The following MIPOL1 variants were observed in gnomAD, a reference collection of about 807,000 sequenced individuals.
MIPOL1 encodes the protein mirror-image polydactyly gene 1 protein.
A neutral mutation model predicts 60.9 loss-of-function variants in MIPOL1; 57 were observed. The ratio of observed to expected loss-of-function variants is 0.94; its 90% CI spans 0.76 to 1.17. The LOEUF (loss-of-function observed/expected upper bound fraction) is 1.17. Among genes scored for constraint, MIPOL1 ranks in the 50% most tolerant of loss-of-function variants. The pLI is 0.00. For synonymous variants in MIPOL1, 179 were observed against 168.8 expected, an observed-to-expected ratio of 1.06 and a Z score of -0.47; for missense variants, 551 against 511.6, an observed-to-expected ratio of 1.08 and a Z score of -0.74.
intron 1 of MIPOL1, among the ~76,000 whole-genome samples, chr14:37,210,142 T>C (rs1966698343): frequency 6.6e-6 from 1 of 152,142 alleles, no homozygotes. Context: ...GGAAGATTTC[T>C]GTGACTAAAT....
intron 1 of MIPOL1, among the ~76,000 whole-genome samples, chr14:37,203,393 T>C (rs1016326250): frequency 6.6e-6 from 1 of 152,244 alleles, no homozygotes; most frequent in African/African-American, 2.4e-5. Flanking sequence ...TCATTTAGGC[T>C]ACCTTCTCAG....
At chr14:37,462,818 A>G (rs184740764) in intron 11 of MIPOL1, among the ~76,000 whole-genome samples, 2 of 152,256 alleles carry the variant, frequency 1.3e-5, no homozygotes, top group East Asian at 3.9e-4. Flanking sequence ...CTCAGCCTGT[A>G]CCTTATTGTT....
At chr14:37,491,776 C>T (rs1449179983) in intron 11 of MIPOL1, among the ~76,000 whole-genome samples, 3 of 152,054 alleles carry the variant, frequency 2.0e-5, no homozygotes, top group African/African-American at 7.2e-5. Context: ...TATTTTTTCT[C>T]TGAAAGTACT....
intron 11 of MIPOL1, among the ~76,000 whole-genome samples, chr14:37,475,057 C>T (rs957864155): frequency 2.0e-5 from 3 of 151,872 alleles, no homozygotes; most frequent in Admixed American, 6.6e-5. Context: ...CTCCACCTCC[C>T]GGGTTCAAGC....
At chr14:37,424,650 A>G (rs965387694) in intron 11 of MIPOL1, among the ~76,000 whole-genome samples, 1 of 152,202 alleles carries the variant, frequency 6.6e-6, no homozygotes, top group Non-Finnish European at 1.5e-5. Flanking sequence ...TCAAACGTCA[A>G]GTATGTTTGG....
chr14:37,358,043 A>G (rs151116966), intron 9 of MIPOL1, among the ~76,000 whole-genome samples: 2 of 149,646 alleles, frequency 1.3e-5, no homozygotes, highest in Admixed American at 6.7e-5. Flanking sequence ...CCTATGTCCA[A>G]GTGTTCTAAG....
intron 1 of MIPOL1, among the ~76,000 whole-genome samples, chr14:37,236,442 AATT>A (rs923197410): frequency 2.6e-5 from 4 of 150,946 alleles, no homozygotes; most frequent in East Asian, 3.9e-4. Flanking sequence ...GGCTTTTCTA[AATT>A]ATTATTATTA....
intron 11 of MIPOL1, among the ~76,000 whole-genome samples, chr14:37,465,417 A>T (rs1417682086): frequency 6.6e-6 from 1 of 152,186 alleles, no homozygotes; most frequent in Non-Finnish European, 1.5e-5. Flanking sequence ...AGGCAAAAAC[A>T]TATATAAATA....
chr14:37,264,056 A>G (rs1355521673), intron 3 of MIPOL1, among the ~76,000 whole-genome samples: 2 of 152,166 alleles, frequency 1.3e-5, no homozygotes, highest in East Asian at 1.9e-4. Context: ...AAGCTCAGCT[A>G]AAGCTCTTAG....
At chr14:37,408,834 A>T (rs1221598695) in intron 10 of MIPOL1, among the ~76,000 whole-genome samples, 4 of 152,194 alleles carry the variant, frequency 2.6e-5, no homozygotes, top group Non-Finnish European at 5.9e-5. Flanking sequence ...GTCCTGGATG[A>T]AACAGTTTCA....
intron 9 of MIPOL1, among the ~76,000 whole-genome samples, chr14:37,355,809 T>C (rs980795843): frequency 8.0e-5 from 12 of 150,894 alleles, no homozygotes; most frequent in Middle Eastern, 6.8e-3. Flanking sequence ...TACATTCTTC[T>C]AAATTTTTTT....
At chr14:37,528,670 A>G (rs2095462476) in intron 12 of MIPOL1, among the ~76,000 whole-genome samples, 1 of 152,216 alleles carries the variant, frequency 6.6e-6, no homozygotes, top group Non-Finnish European at 1.5e-5. Flanking sequence ...ATAAAGATAT[A>G]TAGTAATAGC....
chr14:37,359,356 T>C (rs1269075385), intron 9 of MIPOL1, among the ~76,000 whole-genome samples: 1 of 152,238 alleles, frequency 6.6e-6, no homozygotes, highest in Admixed American at 6.5e-5. Flanking sequence ...AGTAGTTTTT[T>C]TCCAATTCTG....
chr14:37,221,542 G>A (rs1481588266), intron 1 of MIPOL1, among the ~76,000 whole-genome samples: 1 of 152,184 alleles, frequency 6.6e-6, no homozygotes, highest in Non-Finnish European at 1.5e-5. Flanking sequence ...CAGGAAGCAT[G>A]GCTGGGGAGA....
intron 11 of MIPOL1, among the ~76,000 whole-genome samples, chr14:37,482,285 A>C (rs1040219929): frequency 6.6e-6 from 1 of 152,220 alleles, no homozygotes; most frequent in East Asian, 1.9e-4. Context: ...ACACTTCTCA[A>C]AAGAAGGCAT....
intron 9 of MIPOL1, among the ~76,000 whole-genome samples, chr14:37,357,097 G>A (rs372219425): frequency 1.3e-5 from 2 of 152,160 alleles, no homozygotes; most frequent in African/African-American, 4.8e-5. Context: ...TCAATATACT[G>A]ATTTCCTTTC....
At chr14:37,551,316 A>C (rs929128967), downstream of MIPOL1, 1 of 152,138 alleles carries the variant, frequency 6.6e-6, no homozygotes, top group Admixed American at 6.5e-5. Context: ...TAAATGTACA[A>C]TCCTGAAGAC....
At chr14:37,474,841 T>C (rs1272283468) in intron 11 of MIPOL1, among the ~76,000 whole-genome samples, 2 of 152,250 alleles carry the variant, frequency 1.3e-5, no homozygotes, top group Non-Finnish European at 2.9e-5. Context: ...TGTGGTAGTA[T>C]ATCATTGTTG....
intron 9 of MIPOL1, among the ~76,000 whole-genome samples, chr14:37,350,474 A>C (rs1434637977): frequency 6.6e-6 from 1 of 151,410 alleles, no homozygotes; most frequent in Non-Finnish European, 1.5e-5. Context: ...TTTTGTGGGT[A>C]CATAGTAGGT....
Sources: allele counts gnomAD v4.1 joint callset (sites outside exome capture counted in the v4.1 genomes callset), GRCh38; gene constraint gnomAD v4.1.1; transcripts MANE v1.5; gene names NCBI Gene and HGNC (gene_info 2026-07-23, HGNC 2026-07-21).